CAPN14: variants seen among roughly 807,000 people sequenced by gnomAD.
The protein encoded by CAPN14 is calpain-14.
CAPN14 carries 94 observed loss-of-function variants against 101.3 expected under a neutral mutation model. The observed-to-expected ratio is 0.93, with a 90% confidence interval of 0.79 to 1.10. The LOEUF (loss-of-function observed/expected upper bound fraction) is 1.10. CAPN14 is among the 50% of genes least tolerant of loss of function. The pLI, the probability that CAPN14 is intolerant of heterozygous loss-of-function variation, is 0.00. For synonymous variants in CAPN14, 338 were observed against 317.9 expected (o/e 1.06, Z -0.67); for missense variants, 837 against 828.4 (o/e 1.01, Z -0.13).
intron 19 of CAPN14, 64 bp downstream of exon 19, chr2:31,177,682 C>T: frequency 1.7e-6 from 2 of 1,209,620 alleles, no homozygotes; most frequent in Non-Finnish European, 2.4e-6. Flanking sequence ...ATCCCCTCTC[C>T]TCTGCCTGAT....
chr2:31,217,839 C>T (rs902469909), upstream of CAPN14, among the ~76,000 whole-genome samples: 2 of 152,126 alleles, frequency 1.3e-5, no homozygotes, highest in African/African-American at 4.8e-5. Context: ...GCTTGCTCAC[C>T]TCCCCACAAC....
At chr2:31,220,881 G>A (rs554386105), upstream of CAPN14, among the ~76,000 whole-genome samples, 78 of 152,274 alleles carry the variant, frequency 5.1e-4, no homozygotes, top group Admixed American at 1.6e-3. Context: ...ATCCAACAAG[G>A]AGAAGAGAAG....
At chr2:31,193,906 G>A (rs555359052) in intron 9 of CAPN14, among the ~76,000 whole-genome samples, 1 of 152,198 alleles carries the variant, frequency 6.6e-6, no homozygotes, top group East Asian at 1.9e-4. Context: ...GTGAGCAAAA[G>A]CAAAGGAGAA....
chr2:31,194,141 G>C (rs972998640), intron 9 of CAPN14, among the ~76,000 whole-genome samples: 1 of 152,208 alleles, frequency 6.6e-6, no homozygotes, highest in Non-Finnish European at 1.5e-5. Flanking sequence ...CTGAGCAAGA[G>C]AGCAGAGAGG....
At chr2:31,229,100 T>C (rs1334097031) in intron 1 of CAPN14, among the ~76,000 whole-genome samples, 1 of 152,166 alleles carries the variant, frequency 6.6e-6, no homozygotes, top group African/African-American at 2.4e-5. Flanking sequence ...CAACAATATG[T>C]TCTTTTGGCT....
intron 13 of CAPN14, 27 bp from the exon 14 acceptor site, chr2:31,188,381 T>C: frequency 6.4e-7 from 1 of 1,550,632 alleles, no homozygotes; most frequent in Non-Finnish European, 8.7e-7. Flanking sequence ...AAGAACAAAC[T>C]CAGAGTTTCC....
intron 16 of CAPN14, 78 bp from the exon 17 acceptor site, chr2:31,181,078 G>T: frequency 8.4e-7 from 1 of 1,184,304 alleles, no homozygotes; most frequent in Non-Finnish European, 1.2e-6. Flanking sequence ...AAGAGGCAGT[G>T]CTGCATGGGC....
In CAPN14 at chr2:31,203,067, T is replaced by C; in HGVS notation, c.295+3A>G. ...TCTGTCTCTCGGGGCTGTGCAAACTTACCTACTATCCCCTGGCACAGATCC... is the reference window on the plus strand; with the variant it reads ...TCTGTCTCTCGGGGCTGTGCAAACTCACCTACTATCCCCTGGCACAGATCC... On this transcript the variant is annotated splice_donor_region_variant and intron_variant, in intron 3 of 21. Transcript: ENST00000403897. 1.3e-6 allele frequency: 2 copies of C among 1,551,350 alleles called. No individual in the cohort carries two copies.
intron 4 of CAPN14, 61 bp downstream of exon 4, chr2:31,202,073 T>C (rs976563894): frequency 1.3e-6 from 2 of 1,549,966 alleles, no homozygotes; most frequent in Non-Finnish European, 8.7e-7. Flanking sequence ...GAAGACATGG[T>C]CCTCCAGGAA....
intron 1 of CAPN14, among the ~76,000 whole-genome samples, chr2:31,209,138 T>TTC (rs1682261705): frequency 2.6e-5 from 1 of 37,762 alleles, no homozygotes; most frequent in Non-Finnish European, 8.2e-5. Context: ...CGCAGCTAAC[T>TTC]TTTTTTTTTT....
intron 20 of CAPN14, 97 bp downstream of exon 20, chr2:31,176,929 T>C (rs1680324528): frequency 3.4e-6 from 3 of 893,306 alleles, no homozygotes; most frequent in South Asian, 3.3e-5. Flanking sequence ...GTTTCTGGGA[T>C]GGCGGCTGTC....
At chr2:31,228,719 T>C (rs1211202131) in intron 1 of CAPN14, among the ~76,000 whole-genome samples, 1 of 152,240 alleles carries the variant, frequency 6.6e-6, no homozygotes, top group Admixed American at 6.5e-5. Context: ...TAATACATAC[T>C]GAACACTTTC....
In CAPN14 at chr2:31,200,635, G is replaced by A; in HGVS notation, c.552-10C>T. On this transcript the variant is annotated splice_polypyrimidine_tract_variant and intron_variant, in intron 5 of 21. Coordinates refer to ENST00000403897, the MANE Select transcript of CAPN14 (RefSeq NM_001145122.2). ...ATAGGAACCAGAGAGCCTGGCCAGGGAAGAAATAAACATGAGAGGAAAAAA... is the reference window on the plus strand; with the variant it reads ...ATAGGAACCAGAGAGCCTGGCCAGGAAAGAAATAAACATGAGAGGAAAAAA... 1 of 1,534,570 alleles carries A rather than the reference G, an allele frequency of 6.5e-7. No homozygotes were observed. Among genetic ancestry groups the A allele is most frequent in the Non-Finnish European group, 8.8e-7 (1 of 1,140,840 alleles).
At chr2:31,220,648 G>A (rs1682836010), upstream of CAPN14, among the ~76,000 whole-genome samples, 1 of 152,200 alleles carries the variant, frequency 6.6e-6, no homozygotes, top group African/African-American at 2.4e-5. Flanking sequence ...GACCAACATG[G>A]TGAAACCCCA....
At chr2:31,231,972 T>C (rs1331623079) in intron 1 of CAPN14, among the ~76,000 whole-genome samples, 2 of 152,218 alleles carry the variant, frequency 1.3e-5, no homozygotes, top group Non-Finnish European at 2.9e-5. Context: ...GAAATATTAA[T>C]CTGAGTGAAT....
rs72797117 is a variant in CAPN14, at chr2:31,175,610, C to A, written c.2029-903G>T. On this transcript the variant is annotated intron_variant, in intron 21 of 21. Coordinates refer to ENST00000403897, the MANE Select transcript of CAPN14 (RefSeq NM_001145122.2). ...CCCAGTACTCAAGTGTGGGGCTAAG[C>A]AGTCCAGGGATAGGCCCTGAAAATT... is the stretch of plus-strand genomic sequence containing the variant. Among the ~76,000 whole-genome samples, 553 of 152,312 alleles carry A rather than the reference C, an allele frequency of 3.6e-3. 2 individuals carry two copies. The highest frequency in any genetic ancestry group is 5.8e-3 in the Non-Finnish European group (396 of 68,026).
At position 31,197,714 on chromosome 2, in the gene CAPN14, C is replaced by A. The variant is rs192814362; in HGVS notation, c.790-380G>T. ...ACCTGGGTTTGAGATAATTATGGAT[C>A]AGGGTGGGCCCTAAATCCAAAGACA... is the stretch of plus-strand genomic sequence containing the variant. On this transcript the variant is annotated intron_variant, in intron 7 of 21. Transcript: ENST00000403897. Among the ~76,000 whole-genome samples, 667 of 152,258 alleles carry A rather than the reference C, an allele frequency of 4.4e-3. 3 individuals carry two copies. The highest frequency in any genetic ancestry group is 0.014 in the Middle Eastern group (4 of 294).
At chr2:31,194,630 A>G (rs2148683984) in intron 8 of CAPN14, 147 bp from the exon 9 acceptor site, 3 of 611,362 alleles carry the variant, frequency 4.9e-6, no homozygotes, top group East Asian at 5.7e-5. Context: ...TAGCATGAAC[A>G]TGAATTGATA....
chr2:31,197,479 T>C, intron 7 of CAPN14, 145 bp from the exon 8 acceptor site: 1 of 604,918 alleles, frequency 1.7e-6, no homozygotes, highest in Non-Finnish European at 3.0e-6. Flanking sequence ...GTGGCTCTGC[T>C]TCTTGTACTT....
Sources: gnomAD v4.1 joint callset for allele counts (sites outside exome capture counted in the v4.1 genomes callset) on GRCh38, gnomAD v4.1.1 for gene constraint, MANE v1.5 for transcripts, NCBI Gene and HGNC (gene_info 2026-07-23, HGNC 2026-07-21) for gene names.